ANKRD46: variants seen among roughly 807,000 people sequenced by gnomAD.
The protein encoded by ANKRD46 is ankyrin repeat domain 46.
ANKRD46 carries 13 observed loss-of-function variants against 19.8 expected under a neutral mutation model. The observed-to-expected ratio is 0.66, with a 90% CI of 0.43 to 1.04. The LOEUF (loss-of-function observed/expected upper bound fraction) is 1.04, where lower values mean the gene tolerates loss of function less well. ANKRD46 is among the 50% of genes least tolerant of loss of function. ANKRD46 has a pLI of 0.00. For missense variants in ANKRD46, 185 were observed against 274.8 expected, an observed-to-expected ratio of 0.67 and a Z score of 2.31; for synonymous variants, 91 against 106.9, an observed-to-expected ratio of 0.85 and a Z score of 0.92.
chr8:100,522,641 C>T lies in ANKRD46; in HGVS notation c.601G>A (p.Val201Ile), dbSNP rs780640944. 2.0e-5 allele frequency: 32 copies of T among 1,613,902 alleles called. No individual in the cohort carries two copies. Among genetic ancestry groups the T allele is most frequent in the East Asian group, 1.3e-4 (6 of 44,878 alleles). Residue 201 changes from valine (V) to isoleucine (I), a missense_variant, in exon 5 of 5, where the codon GTC (valine) becomes ATC (isoleucine). Transcript: ENST00000335659. ...GFWRVLLLIF[V>I]IALLSLGIAY... is the part of the protein sequence containing the mutation. ...ATGCCAAGAGACAGCAAAGCAATGACGAAGATCAACAGCAATACTCTCCAG... is the reference window on the plus strand; with the variant it reads ...ATGCCAAGAGACAGCAAAGCAATGATGAAGATCAACAGCAATACTCTCCAG...
intron 1 of ANKRD46, among the ~76,000 whole-genome samples, chr8:100,549,020 T>G (rs937320837): frequency 6.6e-6 from 1 of 150,860 alleles, no homozygotes; most frequent in Non-Finnish European, 1.5e-5. Context: ...TTTTTTTAAT[T>G]AAAAAAATTT....
intron 1 of ANKRD46, among the ~76,000 whole-genome samples, chr8:100,558,413 A>T (rs906132095): frequency 1.3e-5 from 2 of 152,248 alleles, no homozygotes; most frequent in Admixed American, 6.5e-5. Context: ...TGGTATGGAA[A>T]CATAAATAAT....
rs919398940 is a variant in ANKRD46, at chr8:100,532,710, A to C, written c.-28+499T>G. On this transcript the variant is annotated intron_variant, in intron 2 of 4. Transcript: ENST00000335659. The surrounding 1 kb of genome is among the most constrained non-coding windows in gnomAD (Gnocchi z 4.7). The stretch of plus-strand genomic sequence containing the variant: ...TAAAAAATTGCAAAAAAAATCTCAG[A>C]ATGTTTTTTAAAAGTTTATGAATTT... Among the ~76,000 whole-genome samples, 4 of 152,188 alleles carry C rather than the reference A, an allele frequency of 2.6e-5. No homozygotes were observed. Among genetic ancestry groups the C allele is most frequent in the African/African-American group, 9.7e-5 (4 of 41,434 alleles).
chr8:100,551,090 T>C (rs1381059308), intron 1 of ANKRD46: 1 of 507,562 alleles, frequency 2.0e-6, no homozygotes, highest in Non-Finnish European at 3.9e-6. Flanking sequence ...GCAACACCAG[T>C]AGATGCAGGG....
chr8:100,547,822 A>G (rs905222700), intron 1 of ANKRD46, among the ~76,000 whole-genome samples: 13 of 152,208 alleles, frequency 8.5e-5, no homozygotes, highest in South Asian at 4.1e-4. Context: ...TTCTTTTTCC[A>G]TTTTATTGAC....
chr8:100,522,591 T>C lies in ANKRD46; in HGVS notation c.651A>G (p.Leu217=). The change falls in exon 5 of 5, where the codon CTA becomes CTG. Residue 217 remains leucine (L), a synonymous_variant. Coordinates refer to ENST00000335659, the MANE Select transcript of ANKRD46 (RefSeq NM_001270377.2). ...GTTCAGGCTGGTTTTCCACGAAGGGTAGCACCCCACTCACATAATAAGCAA... is the reference window on the plus strand; with the variant it reads ...GTTCAGGCTGGTTTTCCACGAAGGGCAGCACCCCACTCACATAATAAGCAA... ...LGIAYYVSGV[L]PFVENQPELV... The C allele has an allele frequency of 6.2e-7, 1 of 1,613,820 alleles. No individual in the cohort carries two copies. Among genetic ancestry groups the C allele is most frequent in the South Asian group, 1.1e-5 (1 of 91,060 alleles).
At chr8:100,538,979 T>G (rs1812120477) in intron 1 of ANKRD46, among the ~76,000 whole-genome samples, 1 of 152,248 alleles carries the variant, frequency 6.6e-6, no homozygotes, top group Admixed American at 6.5e-5. Context: ...TCACATAGAT[T>G]CAATGATGTT....
intron 3 of ANKRD46, among the ~76,000 whole-genome samples, chr8:100,528,541 A>G (rs1489941200): frequency 2.7e-5 from 4 of 146,904 alleles, no homozygotes; most frequent in African/African-American, 1.0e-4. Flanking sequence ...TTTTACTTCC[A>G]GGGAAAAGAA....
At chr8:100,549,193 C>A (rs1040952787) in intron 1 of ANKRD46, among the ~76,000 whole-genome samples, 4 of 151,124 alleles carry the variant, frequency 2.6e-5, no homozygotes, top group African/African-American at 9.7e-5. Context: ...TGGCCTCAAA[C>A]TCCTGGGCTC....
At chr8:100,512,573 T>C (rs1811564475) in intron 5 of ANKRD46, among the ~76,000 whole-genome samples, 1 of 152,210 alleles carries the variant, frequency 6.6e-6, no homozygotes, top group Admixed American at 6.5e-5. Flanking sequence ...GGCAAGATGA[T>C]GTCACCACAG....
chr8:100,540,643 A>G (rs1812157576), intron 1 of ANKRD46, among the ~76,000 whole-genome samples: 1 of 152,210 alleles, frequency 6.6e-6, no homozygotes, highest in Non-Finnish European at 1.5e-5. Flanking sequence ...TATTTCTGGC[A>G]ATATTTATAT....
chr8:100,538,159 T>C (rs1447143211), intron 1 of ANKRD46, among the ~76,000 whole-genome samples: 1 of 152,214 alleles, frequency 6.6e-6, no homozygotes, highest in Non-Finnish European at 1.5e-5. Context: ...ATTAAGTTCA[T>C]TGTCACAAGA....
At position 100,525,913 on chromosome 8, in the gene ANKRD46, T is replaced by G. The variant is rs1172032022; in HGVS notation, c.470+1932A>C. ...TCCAGAGCACTTGTTATTATCTATC[T>G]TTTTAATTGCAGCTATCCTAGTGGG... On this transcript the variant is annotated intron_variant, in intron 4 of 4. Coordinates refer to ENST00000335659, the MANE Select transcript of ANKRD46 (RefSeq NM_001270377.2). The surrounding 1 kb of genome is among the most constrained non-coding windows in gnomAD (Gnocchi z 4.4). Among the ~76,000 whole-genome samples the G allele has an allele frequency of 6.6e-6, 1 of 152,212 alleles. No individual in the cohort carries two copies. Among genetic ancestry groups the G allele is most frequent in the Non-Finnish European group, 1.5e-5 (1 of 68,026 alleles).
At chr8:100,516,507 C>G (rs1477878628), downstream of ANKRD46, among the ~76,000 whole-genome samples, 1 of 152,110 alleles carries the variant, frequency 6.6e-6, no homozygotes, top group Admixed American at 6.5e-5. Context: ...ATCCACCCCC[C>G]CATCATAATC....
At chr8:100,523,911 T>A (rs1811784138) in intron 4 of ANKRD46, among the ~76,000 whole-genome samples, 2 of 152,212 alleles carry the variant, frequency 1.3e-5, no homozygotes, top group Non-Finnish European at 2.9e-5. Context: ...CCCAAAGTGC[T>A]GGGATTACAG....
At position 100,514,617 on chromosome 8, in the gene ANKRD46, C is replaced by CTTTTTTTTTTTTTTTTTTTTTT. The variant is rs35216029; in HGVS notation, c.637-4000_637-3979dup. On this transcript the variant is annotated intron_variant, in intron 5 of 5. Coordinates refer to the ANKRD46 transcript ENST00000520552. ...TGAGTGTGGGTTATTCCTCCATCTT[C>CTTTTTTTTTTTTTTTTTTTTTT]TTTTTTTTTTTTTTTTTTTTTTGAG... Among the ~76,000 whole-genome samples, 2 of 74,062 alleles carry CTTTTTTTTTTTTTTTTTTTTTT rather than the reference C, an allele frequency of 2.7e-5. 1 individual carries two copies. The highest frequency in any genetic ancestry group is 4.0e-4 in the Admixed American group (2 of 5,036). The allele number at this position is 74,062 out of a possible 152,430, so 48.6% of individuals were successfully genotyped here.
At position 100,510,728 on chromosome 8, in the gene ANKRD46, A is replaced by G; in HGVS notation, c.637-89T>C. 1 of 1,182,336 alleles carries G rather than the reference A, an allele frequency of 8.5e-7. No individual in the cohort carries two copies. Among genetic ancestry groups the G allele is most frequent in the Non-Finnish European group, 1.2e-6 (1 of 854,430 alleles). 73.2% of individuals were successfully genotyped at this position (1,182,336 alleles called of 1,614,324 possible). The stretch of plus-strand genomic sequence containing the variant: ...ATGTGCCAGGACCAGATACAATCAT[A>G]AATATATAGAACCAGAAAGCACAGG... On this transcript the variant is annotated intron_variant, in intron 5 of 5. Transcript: ENST00000520552. This position sits in a 1 kb window ranked among gnomAD's most constrained non-coding sequence, Gnocchi z 4.9.
chr8:100,515,671 C>T lies in ANKRD46; in HGVS notation c.637-5032G>A, dbSNP rs540448091. On this transcript the variant is annotated intron_variant, in intron 5 of 5. Coordinates refer to the ANKRD46 transcript ENST00000520552. ...GCTGAGGTGCGGGGGAGGGGGGGGG[C>T]GGTGATGGCAGCGTGTGAGGGAGGG... 7.8e-3 allele frequency among the ~76,000 whole-genome samples: 969 copies of T among 124,746 alleles called. 19 individuals carry two copies. The highest frequency in any genetic ancestry group is 0.029 in the African/African-American group (922 of 31,834). The allele number at this position is 124,746 out of a possible 152,430, so 81.8% of individuals were successfully genotyped here. A position where few individuals can be genotyped will look rare whatever the true frequency, so the allele number is the denominator to read the frequency against.
chr8:100,513,944 T>C (rs1811588980), intron 5 of ANKRD46, among the ~76,000 whole-genome samples: 3 of 152,228 alleles, frequency 2.0e-5, no homozygotes, highest in Admixed American at 2.0e-4. Flanking sequence ...TTTTTATTTC[T>C]TATGGACTGA....
Sources: gnomAD v4.1 joint callset for allele counts (sites outside exome capture counted in the v4.1 genomes callset) on GRCh38, gnomAD v4.1.1 for gene constraint, Gnocchi (gnomAD v3.1) non-coding constraint, MANE v1.5 for transcripts, NCBI Gene and HGNC (gene_info 2026-07-23, HGNC 2026-07-21) for gene names.